Variants in FSTL5 observed in about 807,000 individuals in gnomAD.
The protein encoded by FSTL5 is follistatin like 5.
FSTL5 carries 62 observed loss-of-function variants against 89.1 expected under a neutral mutation model. The observed-to-expected ratio is 0.70, with a 90% CI of 0.57 to 0.86. The LOEUF is 0.86. FSTL5 is among the 40% of genes least tolerant of loss of function. FSTL5 has a pLI of 0.00. For synonymous variants in FSTL5, 383 were observed against 346.2 expected, an observed-to-expected ratio of 1.11 and a Z score of -1.18; for missense variants, 1,057 against 1,001.6, an observed-to-expected ratio of 1.06 and a Z score of -0.75.
intron 6 of FSTL5, among the ~76,000 whole-genome samples, chr4:161,670,792 C>T (rs1025760455): frequency 1.3e-5 from 2 of 152,172 alleles, no homozygotes; most frequent in Admixed American, 1.3e-4. Flanking sequence ...TGGGCCTTAA[C>T]TATGCAAATC....
intron 15 of FSTL5, among the ~76,000 whole-genome samples, chr4:161,390,497 G>A (rs1730786405): frequency 6.6e-6 from 1 of 152,122 alleles, no homozygotes; most frequent in East Asian, 1.9e-4. Flanking sequence ...AGCAATTCTT[G>A]CAATTGAGTA....
intron 12 of FSTL5, among the ~76,000 whole-genome samples, chr4:161,490,612 T>C (rs1729835615): frequency 6.6e-6 from 1 of 152,168 alleles, no homozygotes; most frequent in South Asian, 2.1e-4. Flanking sequence ...CCATATTGTC[T>C]AGCACAGAAG....
intron 13 of FSTL5, among the ~76,000 whole-genome samples, chr4:161,476,824 C>A (rs773233521): frequency 2.6e-5 from 4 of 152,156 alleles, no homozygotes; most frequent in Non-Finnish European, 5.9e-5. Context: ...GTTCACCCAC[C>A]TCTGTCTGTA....
chr4:161,625,051 G>C (rs1215468190), intron 7 of FSTL5, among the ~76,000 whole-genome samples: 1 of 152,046 alleles, frequency 6.6e-6, no homozygotes, highest in East Asian at 1.9e-4. Context: ...ATGGTTAATA[G>C]TATACAGTAT....
intron 7 of FSTL5, among the ~76,000 whole-genome samples, chr4:161,622,549 A>T (rs1735175938): frequency 6.6e-6 from 1 of 151,844 alleles, no homozygotes; most frequent in Non-Finnish European, 1.5e-5. Context: ...TTATTTATTT[A>T]CATATGTGTA....
chr4:161,832,297 C>T (rs1730871329), intron 4 of FSTL5, among the ~76,000 whole-genome samples: 1 of 152,080 alleles, frequency 6.6e-6, no homozygotes, highest in South Asian at 2.1e-4. Flanking sequence ...GTGAGACGAT[C>T]CTTCCAGATA....
At chr4:161,588,405 T>G (rs1275114675) in intron 7 of FSTL5, among the ~76,000 whole-genome samples, 1 of 152,064 alleles carries the variant, frequency 6.6e-6, no homozygotes, top group Non-Finnish European at 1.5e-5. Flanking sequence ...GCATTTATTT[T>G]CCAAGCCCAG....
intron 14 of FSTL5, among the ~76,000 whole-genome samples, chr4:161,458,342 G>A (rs1260045021): frequency 1.3e-5 from 2 of 151,994 alleles, no homozygotes; most frequent in African/African-American, 4.8e-5. Context: ...CATATTTCTA[G>A]TGAATATAAA....
chr4:161,990,168 T>G (rs918058345), intron 3 of FSTL5, among the ~76,000 whole-genome samples: 1 of 152,142 alleles, frequency 6.6e-6, no homozygotes, highest in Admixed American at 6.5e-5. Context: ...GTGCTAGGTT[T>G]TTGAATAGCC....
chr4:161,596,791 T>G (rs6829185), intron 7 of FSTL5, among the ~76,000 whole-genome samples: 43,120 of 152,000 alleles, frequency 0.28, 6,647 homozygotes, highest in East Asian at 0.55. Flanking sequence ...CTTGAAAAAG[T>G]TTTGAATGGA....
At chr4:161,509,106 C>G (rs542955667) in intron 11 of FSTL5, among the ~76,000 whole-genome samples, 1 of 152,192 alleles carries the variant, frequency 6.6e-6, no homozygotes, top group Admixed American at 6.5e-5. Flanking sequence ...AGTTCATGAC[C>G]AGCCTGGCCA....
chr4:161,442,877 T>C (rs1732819222), intron 15 of FSTL5, among the ~76,000 whole-genome samples: 1 of 151,978 alleles, frequency 6.6e-6, no homozygotes, highest in Non-Finnish European at 1.5e-5. Context: ...GGAAATCCAT[T>C]CCAAACTTTT....
intron 6 of FSTL5, among the ~76,000 whole-genome samples, chr4:161,700,475 TTTTTTTAA>T (rs1738349342): frequency 6.6e-6 from 1 of 152,174 alleles, no homozygotes; most frequent in Admixed American, 6.5e-5. Context: ...TTCTTTTTTC[TTTTTTTAA>T]TTTTTTAAAA....
intron 8 of FSTL5, among the ~76,000 whole-genome samples, chr4:161,587,090 T>C (rs1324783059): frequency 6.6e-6 from 1 of 152,118 alleles, no homozygotes; most frequent in South Asian, 2.1e-4. Context: ...ATAACAGTAG[T>C]CTATATCATT....
At chr4:161,777,930 C>A (rs1437115185) in intron 4 of FSTL5, among the ~76,000 whole-genome samples, 1 of 151,994 alleles carries the variant, frequency 6.6e-6, no homozygotes, top group East Asian at 1.9e-4. Context: ...CCTGTCTCTA[C>A]TAAAAATAAA....
At chr4:161,471,202 T>G (rs1381646342) in intron 13 of FSTL5, among the ~76,000 whole-genome samples, 1 of 152,262 alleles carries the variant, frequency 6.6e-6, no homozygotes, top group African/African-American at 2.4e-5. Context: ...TTTTCCCACA[T>G]GGGTTTTATA....
At chr4:161,725,414 ACT>A (rs1739363314) in intron 6 of FSTL5, among the ~76,000 whole-genome samples, 1 of 152,070 alleles carries the variant, frequency 6.6e-6, no homozygotes, top group African/African-American at 2.4e-5. Context: ...GTCTTTAAAT[ACT>A]GTCAATTTTT....
At chr4:162,027,007 T>C (rs995265700) in intron 3 of FSTL5, among the ~76,000 whole-genome samples, 2 of 152,124 alleles carry the variant, frequency 1.3e-5, no homozygotes, top group Non-Finnish European at 2.9e-5. Flanking sequence ...AGAGGATATA[T>C]GCAAAATGGG....
At chr4:161,695,424 C>CGTGT (rs151205054) in intron 6 of FSTL5, among the ~76,000 whole-genome samples, 13,894 of 134,094 alleles carry the variant, frequency 0.1, 781 homozygotes, top group South Asian at 0.22. Flanking sequence ...CCATGGTGTA[C>CGTGT]GTGTGTGTGT....
Sources: gnomAD v4.1 joint callset for allele counts (sites outside exome capture counted in the v4.1 genomes callset) on GRCh38, gnomAD v4.1.1 for gene constraint, MANE v1.5 for transcripts, NCBI Gene and HGNC (gene_info 2026-07-23, HGNC 2026-07-21) for gene names.